The following ARHGAP26 variants were observed in gnomAD, a reference collection of about 807,000 sequenced individuals.
ARHGAP26 encodes the protein Rho GTPase activating protein 26.
Under a neutral mutation model 104.8 loss-of-function variants are expected in ARHGAP26, and 38 were observed. That is an observed-to-expected ratio of 0.36 (90% CI 0.28 to 0.48). The LOEUF (loss-of-function observed/expected upper bound fraction) is 0.48. Among genes scored for constraint, ARHGAP26 ranks in the 20% least tolerant of loss-of-function variants. The pLI is 0.99. For synonymous variants in ARHGAP26, 341 were observed against 340.0 expected, an observed-to-expected ratio of 1.00 and a Z score of -0.03; for missense variants, 704 against 947.9, an observed-to-expected ratio of 0.74 and a Z score of 3.38.
chr5:143,089,415 G>T (rs1791077688), intron 17 of ARHGAP26, among the ~76,000 whole-genome samples: 1 of 152,178 alleles, frequency 6.6e-6, no homozygotes, highest in African/African-American at 2.4e-5. Context: ...TGCTGTAAAG[G>T]GGTCATTTAC....
chr5:143,002,185 C>T (rs538868303), intron 11 of ARHGAP26, among the ~76,000 whole-genome samples: 13 of 152,308 alleles, frequency 8.5e-5, no homozygotes, highest in African/African-American at 3.1e-4. Context: ...CTGCATAGTG[C>T]TGTGACTCAC....
intron 1 of ARHGAP26, among the ~76,000 whole-genome samples, chr5:142,783,917 G>A (rs1597600638): frequency 6.6e-6 from 1 of 152,226 alleles, no homozygotes; most frequent in Non-Finnish European, 1.5e-5. Flanking sequence ...TACCGTGGGC[G>A]ACTTACCCAG....
intron 1 of ARHGAP26, among the ~76,000 whole-genome samples, chr5:142,835,050 G>A (rs1162156934): frequency 6.6e-6 from 1 of 152,194 alleles, no homozygotes; most frequent in Non-Finnish European, 1.5e-5. Flanking sequence ...AGTAGGGGAT[G>A]TATTGTCTCC....
chr5:142,948,863 G>T (rs1767585778), intron 11 of ARHGAP26, among the ~76,000 whole-genome samples: 1 of 152,014 alleles, frequency 6.6e-6, no homozygotes, highest in African/African-American at 2.4e-5. Context: ...ATAGCACTAT[G>T]GGAGGCCTAG....
chr5:143,192,214 A>C (rs1297011603), intron 20 of ARHGAP26, among the ~76,000 whole-genome samples: 1 of 152,240 alleles, frequency 6.6e-6, no homozygotes, highest in Non-Finnish European at 1.5e-5. Context: ...TCACTGGAGA[A>C]AGATCAAACT....
At chr5:142,937,165 G>A (rs1765546012) in intron 11 of ARHGAP26, among the ~76,000 whole-genome samples, 2 of 151,680 alleles carry the variant, frequency 1.3e-5, no homozygotes, top group Admixed American at 1.3e-4. Context: ...TTTAGATCTA[G>A]GATTAAATAA....
At chr5:142,786,053 C>G (rs1324631414) in intron 1 of ARHGAP26, among the ~76,000 whole-genome samples, 7 of 151,900 alleles carry the variant, frequency 4.6e-5, no homozygotes, top group Admixed American at 4.6e-4. Context: ...TCACTGTACC[C>G]TCAGACTTCT....
At chr5:143,212,378 C>G (rs1206357504) in intron 21 of ARHGAP26, among the ~76,000 whole-genome samples, 8 of 149,960 alleles carry the variant, frequency 5.3e-5, no homozygotes. Context: ...AAAAATGCCT[C>G]TTATATTCCT....
At position 142,959,122 on chromosome 5, in the gene ARHGAP26, G is replaced by A. The variant is rs1769776256; in HGVS notation, c.1107+26997G>A. On this transcript the variant is annotated intron_variant, in intron 11 of 22. Transcript: ENST00000645722. ...TTTTTGTGAGTCACACAAGTGGCTGGTAGCACAGTCTGAACCCAGAGCTGC... is the reference window on the plus strand; with the variant it reads ...TTTTTGTGAGTCACACAAGTGGCTGATAGCACAGTCTGAACCCAGAGCTGC... Among the ~76,000 whole-genome samples, 8 of 152,310 alleles carry A rather than the reference G, an allele frequency of 5.3e-5. No individual in the cohort carries two copies. In the South Asian group the frequency reaches 1.7e-3, roughly 32 times the overall value.
intron 20 of ARHGAP26, chr5:143,169,720 C>A (rs1802510748): frequency 6.6e-6 from 1 of 152,220 alleles, no homozygotes. Context: ...ACACCCAAGG[C>A]ACACGGACTC....
At chr5:143,073,790 T>A (rs1788607858) in intron 17 of ARHGAP26, among the ~76,000 whole-genome samples, 1 of 152,262 alleles carries the variant, frequency 6.6e-6, no homozygotes, top group Non-Finnish European at 1.5e-5. Context: ...TGAATTTTTA[T>A]GAAATAACTG....
At chr5:142,880,480 T>TGTTGCCAG (rs1756815821) in intron 4 of ARHGAP26, among the ~76,000 whole-genome samples, 1 of 150,896 alleles carries the variant, frequency 6.6e-6, no homozygotes, top group Admixed American at 6.6e-5. Context: ...ATCGCGCCAC[T>TGTTGCCAG]GACTGCAGCC....
At chr5:143,005,740 T>C (rs1006548960) in intron 11 of ARHGAP26, among the ~76,000 whole-genome samples, 1 of 152,242 alleles carries the variant, frequency 6.6e-6, no homozygotes, top group African/African-American at 2.4e-5. Context: ...CTATTCATCA[T>C]CATTGTTGTA....
Position 142,886,227 on chromosome 5 carries a change from G to A in ARHGAP26, c.486+828G>A, listed in dbSNP as rs76939797. Among the ~76,000 whole-genome samples the A allele has an allele frequency of 2.6e-3, 391 of 152,256 alleles. 9 individuals carry two copies. The East Asian group carries it at 0.043, about 17-fold the overall frequency. On this transcript the variant is annotated intron_variant, in intron 5 of 22. Transcript: ENST00000645722. ...AAGAGGCTACCGTGGCTTCCAGGCCGGCCCTTTTTTTAAAATTTTAATTCT... is the reference window on the plus strand; with the variant it reads ...AAGAGGCTACCGTGGCTTCCAGGCCAGCCCTTTTTTTAAAATTTTAATTCT...
At chr5:143,021,450 T>C (rs1780323203) in intron 12 of ARHGAP26, among the ~76,000 whole-genome samples, 1 of 152,224 alleles carries the variant, frequency 6.6e-6, no homozygotes. Flanking sequence ...GCTTCAAAAG[T>C]TATTAATTTC....
intron 11 of ARHGAP26, among the ~76,000 whole-genome samples, chr5:142,963,163 G>GATATATATATATATATATATATATAT (rs1562163912): frequency 1.8e-5 from 2 of 112,204 alleles, no homozygotes; most frequent in East Asian, 2.8e-4. Flanking sequence ...AGTATTCCAT[G>GATATATATATATATATATATATATAT]GTATATATGT....
chr5:142,899,163 A>G (rs1759910803), intron 6 of ARHGAP26, among the ~76,000 whole-genome samples: 1 of 152,192 alleles, frequency 6.6e-6, no homozygotes, highest in African/African-American at 2.4e-5. Flanking sequence ...TAAAAGTACT[A>G]GGGCCCACCC....
intron 1 of ARHGAP26, among the ~76,000 whole-genome samples, chr5:142,814,668 T>C (rs1385932192): frequency 6.6e-6 from 1 of 152,208 alleles, no homozygotes; most frequent in Admixed American, 6.5e-5. Context: ...GTATGGTGAC[T>C]AAGTGTACAG....
At chr5:142,878,549 G>A (rs1756472024) in intron 3 of ARHGAP26, among the ~76,000 whole-genome samples, 4 of 152,188 alleles carry the variant, frequency 2.6e-5, no homozygotes, top group African/African-American at 7.2e-5. Context: ...ACGCATGTGT[G>A]TGTGTGTGTA....
Sources: gnomAD v4.1 joint callset for allele counts (sites outside exome capture counted in the v4.1 genomes callset) on GRCh38, gnomAD v4.1.1 for gene constraint, MANE v1.5 for transcripts, NCBI Gene and HGNC (gene_info 2026-07-23, HGNC 2026-07-21) for gene names.